The following XKR6 variants were observed in gnomAD, a reference collection of about 807,000 sequenced individuals.
XKR6 encodes the protein XK-related protein 6.
A neutral mutation model predicts 56.7 loss-of-function variants in XKR6; 22 were observed. That is an observed-to-expected ratio of 0.39 (90% CI 0.28 to 0.55). The LOEUF (loss-of-function observed/expected upper bound fraction) is 0.55. Among genes scored for constraint, XKR6 ranks in the 20% least tolerant of loss-of-function variants. The pLI, the probability that XKR6 is intolerant of heterozygous loss-of-function variation, is 0.66. For synonymous variants in XKR6, 524 were observed against 387.8 expected, an observed-to-expected ratio of 1.35 and a Z score of -4.13; for missense variants, 852 against 889.0, an observed-to-expected ratio of 0.96 and a Z score of 0.53.
intron 1 of XKR6, among the ~76,000 whole-genome samples, chr8:11,000,344 C>G (rs758670119): frequency 2.6e-4 from 40 of 152,324 alleles, no homozygotes; most frequent in Non-Finnish European, 4.3e-4. Context: ...AGCAATGCAT[C>G]ATAATATGTT....
Position 11,124,421 on chromosome 8 carries a change from C to T in XKR6, c.764+76155G>A, listed in dbSNP as rs190646329. ...GGGATGTAACTGGCAGAAACAAGCACGTACATTTTTTGAAGTAGAGAAGTC... is the reference window on the plus strand; with the variant it reads ...GGGATGTAACTGGCAGAAACAAGCATGTACATTTTTTGAAGTAGAGAAGTC... On this transcript the variant is annotated intron_variant, in intron 1 of 2. Coordinates refer to ENST00000416569, the MANE Select transcript of XKR6 (RefSeq NM_173683.4). The T allele has an allele frequency of 4.2e-4, 67 of 160,828 alleles. 2 individuals carry two copies. In the East Asian group the frequency reaches 9.8e-3, roughly 24 times the overall value. The allele number at this position is 160,828 out of a possible 1,614,324, so 10.0% of individuals were successfully genotyped here.
At chr8:10,978,953 C>G (rs7011268) in intron 1 of XKR6, among the ~76,000 whole-genome samples, 86,030 of 151,974 alleles carry the variant, frequency 0.57, 27,172 homozygotes, top group African/African-American at 0.83. Flanking sequence ...TCACAGAGAC[C>G]GTACCCTCGG....
chr8:11,159,895 C>T (rs1230925051), intron 1 of XKR6, among the ~76,000 whole-genome samples: 2 of 152,104 alleles, frequency 1.3e-5, no homozygotes, highest in African/African-American at 2.4e-5. Context: ...TGCTTAGACC[C>T]GCTGCAGCTA....
At chr8:11,174,420 G>T (rs1802550601) in intron 1 of XKR6, among the ~76,000 whole-genome samples, 1 of 152,198 alleles carries the variant, frequency 6.6e-6, no homozygotes, top group Non-Finnish European at 1.5e-5. Context: ...CAGAGTGTAT[G>T]TCCAGCTAAT....
At chr8:10,960,414 A>G (rs1446291888) in intron 1 of XKR6, among the ~76,000 whole-genome samples, 1 of 152,210 alleles carries the variant, frequency 6.6e-6, no homozygotes, top group African/African-American at 2.4e-5. Flanking sequence ...CCTGGTCAAG[A>G]TGCATGCTTA....
intron 1 of XKR6, among the ~76,000 whole-genome samples, chr8:11,003,789 G>T (rs1798300295): frequency 6.6e-6 from 1 of 152,162 alleles, no homozygotes; most frequent in South Asian, 2.1e-4. Flanking sequence ...CATAATAAAT[G>T]CTCTAACAGG....
At chr8:11,064,342 T>A (rs556661344) in intron 1 of XKR6, among the ~76,000 whole-genome samples, 11 of 152,284 alleles carry the variant, frequency 7.2e-5, no homozygotes, top group Non-Finnish European at 1.6e-4. Context: ...AAAAACAAAC[T>A]AAAACTGTTT....
chr8:10,990,979 T>C (rs2129140291), intron 1 of XKR6, among the ~76,000 whole-genome samples: 1 of 137,180 alleles, frequency 7.3e-6, no homozygotes, highest in Middle Eastern at 3.9e-3. Context: ...CTCAGCTCAC[T>C]GCCACCTCCA....
intron 1 of XKR6, among the ~76,000 whole-genome samples, chr8:11,071,897 TCTGAATATA>T (rs1283513781): frequency 2.6e-5 from 4 of 152,206 alleles, no homozygotes; most frequent in African/African-American, 9.6e-5. Context: ...TACTGTGTCC[TCTGAATATA>T]TGCACTACAC....
chr8:11,103,247 C>CA (rs1395391843), intron 1 of XKR6, among the ~76,000 whole-genome samples: 11 of 152,030 alleles, frequency 7.2e-5, no homozygotes, highest in Non-Finnish European at 1.6e-4. Flanking sequence ...GAGAGATGAA[C>CA]AAAAAAGACA....
chr8:10,943,414 G>A (rs926444463), intron 1 of XKR6, among the ~76,000 whole-genome samples: 5 of 151,998 alleles, frequency 3.3e-5, no homozygotes, highest in African/African-American at 7.2e-5. Flanking sequence ...CTGCCTTCTC[G>A]CCTGTTCCCC....
chr8:11,094,747 A>C (rs1005005717), intron 1 of XKR6, among the ~76,000 whole-genome samples: 4 of 152,132 alleles, frequency 2.6e-5, no homozygotes, highest in Admixed American at 2.6e-4. Context: ...AGCATTGTCA[A>C]TGTCATCATC....
intron 1 of XKR6, among the ~76,000 whole-genome samples, chr8:11,065,104 T>C (rs1377663717): frequency 6.6e-6 from 1 of 152,166 alleles, no homozygotes; most frequent in Non-Finnish European, 1.5e-5. Flanking sequence ...AAATGGGATA[T>C]GTGTGTGGAA....
intron 1 of XKR6, among the ~76,000 whole-genome samples, chr8:11,082,926 T>C (rs1389928127): frequency 6.6e-6 from 1 of 152,220 alleles, no homozygotes; most frequent in Non-Finnish European, 1.5e-5. Flanking sequence ...TCTGTATTTA[T>C]TTCTCGTCTT....
Position 10,985,537 on chromosome 8 carries a change from C to A in XKR6, c.765-60707G>T, listed in dbSNP as rs544975438. Among the ~76,000 whole-genome samples, 19 of 150,988 alleles carry A rather than the reference C, an allele frequency of 1.3e-4. No individual in the cohort carries two copies. In the East Asian group the frequency reaches 3.7e-3, roughly 29 times the overall value. On this transcript the variant is annotated intron_variant, in intron 1 of 2. Coordinates refer to ENST00000416569, the MANE Select transcript of XKR6 (RefSeq NM_173683.4). ...TCTACTGCCTCCCACACACTTCTTT[C>A]TTGCTCAAAAATTACCAAAACTTAC...
intron 1 of XKR6, among the ~76,000 whole-genome samples, chr8:11,117,719 A>T (rs1301376820): frequency 1.3e-5 from 2 of 152,208 alleles, no homozygotes; most frequent in Non-Finnish European, 1.5e-5. Context: ...AACTGATTAA[A>T]AAGTGGCCAA....
intron 2 of XKR6, among the ~76,000 whole-genome samples, chr8:10,924,140 CTACT>C (rs2129116969): frequency 6.6e-6 from 1 of 152,366 alleles, no homozygotes; most frequent in Non-Finnish European, 1.5e-5. Context: ...TTGAACAGAG[CTACT>C]TAAGCTGCTT....
At chr8:11,019,347 C>G (rs1278902033) in intron 1 of XKR6, among the ~76,000 whole-genome samples, 3 of 152,228 alleles carry the variant, frequency 2.0e-5, no homozygotes, top group Non-Finnish European at 2.9e-5. Flanking sequence ...CCCAGGGAAG[C>G]CTCCATCCCC....
intron 1 of XKR6, among the ~76,000 whole-genome samples, chr8:10,966,157 G>C (rs763883710): frequency 7.9e-5 from 12 of 152,182 alleles, no homozygotes; most frequent in Non-Finnish European, 1.6e-4. Flanking sequence ...CGGACTACTT[G>C]AGTGGGAGGA....
Sources: allele counts gnomAD v4.1 joint callset (sites outside exome capture counted in the v4.1 genomes callset), GRCh38; gene constraint gnomAD v4.1.1; transcripts MANE v1.5; gene names NCBI Gene and HGNC (gene_info 2026-07-23, HGNC 2026-07-21).